ZNF699: variants seen among roughly 807,000 people sequenced by gnomAD.
ZNF699 encodes the protein zinc finger protein 699, also known as hangover homolog.
ZNF699 carries 18 observed loss-of-function variants against 22.5 expected under a neutral mutation model. The ratio of observed to expected loss-of-function variants is 0.80; its 90% CI spans 0.55 to 1.19. The LOEUF (loss-of-function observed/expected upper bound fraction) is 1.19. Ranked by LOEUF, ZNF699 falls within the 50% of genes most tolerant of loss-of-function variation. The probability of loss-of-function intolerance (pLI) is 0.00; values close to 1 mark genes in which losing one functional copy is unlikely to be tolerated. For missense variants in ZNF699, 670 were observed against 763.4 expected (o/e 0.88, Z 1.44); for synonymous variants, 241 against 262.3 (o/e 0.92, Z 0.78).
At position 9,296,911 on chromosome 19, in the gene ZNF699, A is replaced by C; in HGVS notation, c.493T>G (p.Tyr165Asp). 2 of 1,608,840 alleles carry C rather than the reference A, an allele frequency of 1.2e-6. No individual in the cohort carries two copies. Among genetic ancestry groups the C allele is most frequent in the Non-Finnish European group, 1.7e-6 (2 of 1,175,772 alleles). The change falls in exon 6 of 6, where the codon TAT becomes GAT. Residue 165 changes from tyrosine to aspartate, a missense_variant. Tyr to Asp is a radical substitution (Grantham distance 160). Coordinates refer to ENST00000591998, the MANE Select transcript of ZNF699 (RefSeq NM_198535.3). ...HLRNHMVENI[Y>D]ECYEENQDGQ... ...TCTTGATTTTCTTCATAACATTCATAGATGTTCTCTACCATATGATTTCTT... is the reference window on the plus strand; with the variant it reads ...TCTTGATTTTCTTCATAACATTCATCGATGTTCTCTACCATATGATTTCTT...
Position 9,291,145 on chromosome 19 carries a change from A to G in ZNF699, c.*4330T>C, listed in dbSNP as rs1325868327. Among the ~76,000 whole-genome samples the G allele has an allele frequency of 6.6e-6, 1 of 152,212 alleles. No individual in the cohort carries two copies. The highest frequency in any genetic ancestry group is 2.1e-4 in the South Asian group (1 of 4,836). ...ATAAAACACTCTTGAGAAAAGTTAA[A>G]GACAACCTAGGTAAATGGACAATTA... On this transcript the variant is annotated 3_prime_UTR_variant, in exon 6 of 6. Coordinates refer to ENST00000591998, the MANE Select transcript of ZNF699 (RefSeq NM_198535.3).
At position 9,296,332 on chromosome 19, in the gene ZNF699, T is replaced by C. The variant is rs767704463; in HGVS notation, c.1072A>G (p.Thr358Ala). The C allele has an allele frequency of 9.3e-6, 15 of 1,613,978 alleles. No homozygotes were observed. In the East Asian group the frequency reaches 3.1e-4, roughly 34 times the overall value. ...TTACATTCATAAGGCTTCTCTCCAG[T>C]GTGAATTCTTATATGTATTATAAGG... ...SHLIIHIRIH[T>A]GEKPYECKEC... Residue 358 changes from threonine to alanine, a missense_variant, in exon 6 of 6, where the codon ACT (threonine) becomes GCT (alanine). Thr to Ala is a moderately conservative substitution (Grantham distance 58). Transcript: ENST00000591998.
chr19:9,297,733 T>C lies in ZNF699; in HGVS notation c.286+147A>G. The C allele has an allele frequency of 4.6e-6, 3 of 657,152 alleles. No homozygotes were observed. The highest frequency in any genetic ancestry group is 2.9e-5 in the Admixed American group (1 of 34,544). 40.7% of individuals were successfully genotyped at this position (657,152 alleles called of 1,614,324 possible). A position where few individuals can be genotyped will look rare whatever the true frequency, so the allele number is the denominator to read the frequency against. ...AGGTCTTTGCCAAGAACAAGGAAAA[T>C]GCGAGAGGACTGATAAAAAGTCAAA... On this transcript the variant is annotated intron_variant, in intron 4 of 5. Coordinates refer to ENST00000591998, the MANE Select transcript of ZNF699 (RefSeq NM_198535.3). This position sits in a 1 kb window ranked among gnomAD's most constrained non-coding sequence, Gnocchi z 4.3.
chr19:9,295,509 C>A lies in ZNF699; in HGVS notation c.1895G>T (p.Arg632Met). The A allele has an allele frequency of 6.2e-7, 1 of 1,612,410 alleles. No homozygotes were observed. The highest frequency in any genetic ancestry group is 8.5e-7 in the Non-Finnish European group (1 of 1,179,120). ...KAFVCPAYFR[R>M]HVKTHTRENI is the part of the protein sequence containing the mutation. ...TTCTCTAGTGTGAGTTTTCACATGC[C>A]TTCGAAAGTAGGCAGGACAAACAAA... Residue 632 changes from arginine to methionine, a missense_variant, in exon 6 of 6, where the codon AGG becomes ATG. Transcript: ENST00000591998.
Position 9,297,728 on chromosome 19 carries a change from G to A in ZNF699, c.286+152C>T, listed in dbSNP as rs926620966. On this transcript the variant is annotated intron_variant, in intron 4 of 5. Transcript: ENST00000591998. The surrounding 1 kb of genome is among the most constrained non-coding windows in gnomAD (Gnocchi z 4.3). ...GTGGAAGGTCTTTGCCAAGAACAAG[G>A]AAAATGCGAGAGGACTGATAAAAAG... 7.7e-6 allele frequency: 5 copies of A among 652,206 alleles called. No individual in the cohort carries two copies. The highest frequency in any genetic ancestry group is 7.3e-5 in the African/African-American group (4 of 54,846). 40.4% of individuals were successfully genotyped at this position (652,206 alleles called of 1,614,324 possible).
chr19:9,296,163 G>A lies in ZNF699; in HGVS notation c.1241C>T (p.Thr414Ile), dbSNP rs2066285270. Residue 414 changes from threonine to isoleucine, a missense_variant, in exon 6 of 6, where the codon ACT becomes ATT. Thr to Ile is a moderately conservative substitution (Grantham distance 89, BLOSUM62 -1). Transcript: ENST00000591998. ...SSLSIHMRKHTGEKPYECLEC... is the reference protein window; with the variant it reads ...SSLSIHMRKHIGEKPYECLEC... The stretch of plus-strand genomic sequence containing the variant: ...CAGACATTCATACGGTTTTTCTCCA[G>A]TGTGTTTTCTCATATGGATACTTAA... 1.9e-6 allele frequency: 3 copies of A among 1,613,844 alleles called. No homozygotes were observed. Among genetic ancestry groups the A allele is most frequent in the African/African-American group, 1.3e-5 (1 of 74,916 alleles).
chr19:9,297,955 A>G lies in ZNF699; in HGVS notation c.211T>C (p.Trp71Arg). The change falls in exon 4 of 6, where the codon TGG (tryptophan) becomes CGG (arginine). Residue 71 changes from tryptophan to arginine, a missense_variant. Transcript: ENST00000591998. This position sits in a 1 kb window ranked among gnomAD's most constrained non-coding sequence, Gnocchi z 4.3. ...GTCTGCAGGTCCTCCTCTTGTTCCC[A>G]CTGGGAGATCAGATGGGGTGTGTGT... Reference protein sequence around the residue: ...PLHTPHLISQWEQEEDLQTVK... With the variant: ...PLHTPHLISQREQEEDLQTVK... The G allele has an allele frequency of 1.9e-6, 3 of 1,613,316 alleles. No individual in the cohort carries two copies. Among genetic ancestry groups the G allele is most frequent in the Non-Finnish European group, 2.5e-6 (3 of 1,179,900 alleles).
intron 3 of ZNF699, among the ~76,000 whole-genome samples, chr19:9,299,200 TCTCAG>T (rs747776732): frequency 1.1e-4 from 16 of 152,224 alleles, no homozygotes; most frequent in Non-Finnish European, 2.4e-4. Context: ...AGTGCCACAA[TCTCAG>T]CTCACTGCAA....
At chr19:9,300,376 G>A (rs963161611) in intron 3 of ZNF699, among the ~76,000 whole-genome samples, 13 of 152,274 alleles carry the variant, frequency 8.5e-5, no homozygotes, top group East Asian at 1.9e-4. Flanking sequence ...CACCGCGCCC[G>A]GCTGGCAGTT....
intron 2 of ZNF699, among the ~76,000 whole-genome samples, chr19:9,302,835 G>C (rs931942591): frequency 6.6e-6 from 1 of 152,098 alleles, no homozygotes; most frequent in African/African-American, 2.4e-5. Context: ...CTAGGCAACA[G>C]AACATAGTGA....
In ZNF699 at chr19:9,305,182, T is replaced by G; in HGVS notation, c.-5-58A>C. 5 of 1,485,136 alleles carry G rather than the reference T, an allele frequency of 3.4e-6. No individual in the cohort carries two copies. In the South Asian group the frequency reaches 5.7e-5, roughly 17 times the overall value. The allele number at this position is 1,485,136 out of a possible 1,614,324, so 92.0% of individuals were successfully genotyped here. A position where few individuals can be genotyped will look rare whatever the true frequency, so the allele number is the denominator to read the frequency against. On this transcript the variant is annotated intron_variant, in intron 1 of 5. Transcript: ENST00000591998. Reference sequence around the variant, plus strand: ...AGAATTAAAAAAGGTGACATGAGAATCCAGACCTCCCCAAAATTCCCACAC... The same window carrying G: ...AGAATTAAAAAAGGTGACATGAGAAGCCAGACCTCCCCAAAATTCCCACAC...
At chr19:9,307,791 C>A (rs1165644546) in intron 1 of ZNF699, among the ~76,000 whole-genome samples, 1 of 151,694 alleles carries the variant, frequency 6.6e-6, no homozygotes, top group Non-Finnish European at 1.5e-5. Context: ...ACTAAAAATA[C>A]AAAAAAATTA....
chr19:9,299,814 C>A (rs1170960165), intron 3 of ZNF699, among the ~76,000 whole-genome samples: 1 of 148,880 alleles, frequency 6.7e-6, no homozygotes, highest in Admixed American at 6.7e-5. Flanking sequence ...AGATATCATA[C>A]AGAAAAAAAC....
rs374277177 is a variant in ZNF699 at position 9,295,865 on chromosome 19, A to G, written c.1539T>C (p.Ile513=). 167 of 1,613,754 alleles carry G rather than the reference A, an allele frequency of 1.0e-4. No homozygotes were observed. The African/African-American group carries it at 2.1e-3, about 21-fold the overall frequency. ...TATGTACTGTAAGGTGGGAGGAACTAATAAAGGCTTTCCCACATTCTTTAC... is the reference window on the plus strand; with the variant it reads ...TATGTACTGTAAGGTGGGAGGAACTGATAAAGGCTTTCCCACATTCTTTAC... The part of the protein sequence containing the change: ...YECKECGKAF[I]SSSHLTVHIR... Residue 513 remains isoleucine, a synonymous_variant, in exon 6 of 6, where the codon ATT becomes ATC. Coordinates refer to ENST00000591998, the MANE Select transcript of ZNF699 (RefSeq NM_198535.3).
At position 9,293,630 on chromosome 19, in the gene ZNF699, G is replaced by A. The variant is rs2066274137; in HGVS notation, c.*1845C>T. Among the ~76,000 whole-genome samples, 1 of 152,124 alleles carries A rather than the reference G, an allele frequency of 6.6e-6. No homozygotes were observed. Among genetic ancestry groups the A allele is most frequent in the Non-Finnish European group, 1.5e-5 (1 of 68,024 alleles). ...AGAGTCAAAATTGTGGTTGCCCTGT[G>A]GAGTAATTATCACTGAGAAAGAGGA... On this transcript the variant is annotated 3_prime_UTR_variant, in exon 6 of 6. Coordinates refer to ENST00000591998, the MANE Select transcript of ZNF699 (RefSeq NM_198535.3).
chr19:9,305,089 G>A lies in ZNF699; in HGVS notation c.31C>T (p.Gln11Ter). 1.2e-6 allele frequency: 2 copies of A among 1,613,274 alleles called. No individual in the cohort carries two copies. Among genetic ancestry groups the A allele is most frequent in the Non-Finnish European group, 1.7e-6 (2 of 1,179,606 alleles). The change falls in exon 2 of 6, where the codon CAG becomes TAG. Residue 11 changes from glutamine to a stop codon, truncating the protein, a stop_gained. Transcript: ENST00000591998. LOFTEE classifies it high-confidence loss of function. Reference sequence around the variant, plus strand: ...TTACTTACCTGTATTCTATTTTTCTGTAACTCAGCAGTTTTTCTTTCTTCC... The same window carrying A: ...TTACTTACCTGTATTCTATTTTTCTATAACTCAGCAGTTTTTCTTTCTTCC... Reference protein sequence around the residue: MEEERKTAELQKNRIQDSVVF... With the variant: MEEERKTAEL
Position 9,297,581 on chromosome 19 carries a change from G to GATT in ZNF699, c.287-103_287-102insAAT. 1.2e-6 allele frequency: 1 copy of GATT among 831,652 alleles called. No homozygotes were observed. The highest frequency in any genetic ancestry group is 1.9e-6 in the Non-Finnish European group (1 of 538,922). The allele number at this position is 831,652 out of a possible 1,614,324, so 51.5% of individuals were successfully genotyped here. ...ATAGGCACAAGGGTCAAAATGGTAAGCAATTAACTAAGAAATAATTTTATG... is the reference window on the plus strand; with the variant it reads ...ATAGGCACAAGGGTCAAAATGGTAAGATTCAATTAACTAAGAAATAATTTTATG... On this transcript the variant is annotated intron_variant, in intron 4 of 5. Coordinates refer to ENST00000591998, the MANE Select transcript of ZNF699 (RefSeq NM_198535.3). The surrounding 1 kb of genome is among the most constrained non-coding windows in gnomAD (Gnocchi z 4.3).
rs1265840479 is a variant in ZNF699 at position 9,291,900 on chromosome 19, C to A, written c.*3575G>T. ...TTTTTTTAGTACAGACAGGGTTTCACCATGTTGGCCAGGCTGGTCTTAAAC... is the reference window on the plus strand; with the variant it reads ...TTTTTTTAGTACAGACAGGGTTTCAACATGTTGGCCAGGCTGGTCTTAAAC... On this transcript the variant is annotated 3_prime_UTR_variant, in exon 6 of 6. Coordinates refer to ENST00000591998, the MANE Select transcript of ZNF699 (RefSeq NM_198535.3). The A allele has an allele frequency of 6.6e-6, 1 of 152,094 alleles. No individual in the cohort carries two copies. The highest frequency in any genetic ancestry group is 1.9e-4 in the East Asian group (1 of 5,182). 9.4% of individuals were successfully genotyped at this position (152,094 alleles called of 1,614,324 possible). A position where few individuals can be genotyped will look rare whatever the true frequency, so the allele number is the denominator to read the frequency against.
At chr19:9,300,373 C>A (rs1353118723) in intron 3 of ZNF699, among the ~76,000 whole-genome samples, 1 of 152,232 alleles carries the variant, frequency 6.6e-6, no homozygotes, top group African/African-American at 2.4e-5. Flanking sequence ...AGCCACCGCG[C>A]CCGGCTGGCA....
Sources: allele counts gnomAD v4.1 joint callset (sites outside exome capture counted in the v4.1 genomes callset), GRCh38; gene constraint gnomAD v4.1.1; non-coding constraint Gnocchi (gnomAD v3.1); transcripts MANE v1.5; gene names NCBI Gene and HGNC (gene_info 2026-07-23, HGNC 2026-07-21).